TEX11: variants seen among roughly 807,000 people sequenced by gnomAD.
TEX11 encodes the protein testis-expressed protein 11.
A neutral mutation model predicts 84.4 loss-of-function variants in TEX11; 7 were observed. The ratio of observed to expected loss-of-function variants is 0.08; its 90% CI spans 0.05 to 0.16. The LOEUF (loss-of-function observed/expected upper bound fraction) is 0.16. TEX11 is among the 10% of genes least tolerant of loss of function. The probability of loss-of-function intolerance (pLI) is 1.00; values close to 1 mark genes in which losing one functional copy is unlikely to be tolerated. For missense variants in TEX11, 551 were observed against 660.5 expected, an observed-to-expected ratio of 0.83 and a Z score of 1.82; for synonymous variants, 264 against 222.8, an observed-to-expected ratio of 1.18 and a Z score of -1.64.
intron 8 of TEX11, among the ~76,000 whole-genome samples, chrX:70,809,972 C>T (rs1395517773): frequency 8.9e-6 from 1 of 111,822 alleles, no homozygotes; most frequent in Non-Finnish European, 1.9e-5. Flanking sequence ...AACAAGTAGG[C>T]ATTAAAAAGT....
At chrX:70,593,150 A>T (rs748034940) in intron 24 of TEX11, among the ~76,000 whole-genome samples, 1 of 110,225 alleles carries the variant, frequency 9.1e-6, no homozygotes, top group African/African-American at 3.3e-5. Context: ...TAACAGCTGG[A>T]TGTGCTACCA....
intron 9 of TEX11, among the ~76,000 whole-genome samples, chrX:70,785,012 T>A (rs749507195): frequency 3.6e-5 from 4 of 111,984 alleles, no homozygotes; most frequent in African/African-American, 1.3e-4. Flanking sequence ...AGAGCCCACA[T>A]TGCCAAGACA....
intron 14 of TEX11, among the ~76,000 whole-genome samples, chrX:70,679,895 C>G (rs1328426318): frequency 9.9e-6 from 1 of 101,329 alleles, no homozygotes; most frequent in Non-Finnish European, 2.1e-5. Flanking sequence ...TCTGCCCGGC[C>G]GCCCCTACTG....
intron 2 of TEX11, among the ~76,000 whole-genome samples, chrX:70,892,432 C>A (rs1379951526): frequency 9.0e-6 from 1 of 111,730 alleles, no homozygotes; most frequent in Non-Finnish European, 1.9e-5. Flanking sequence ...GGCTAAATGC[C>A]CCAATTAAAA....
intron 15 of TEX11, among the ~76,000 whole-genome samples, chrX:70,672,279 C>G (rs1313720880): frequency 9.0e-6 from 1 of 111,003 alleles, no homozygotes. Flanking sequence ...TTGGCTGTTT[C>G]CAGTTTTTAA....
chrX:70,595,702 G>A (rs1331458329), intron 24 of TEX11, among the ~76,000 whole-genome samples: 2 of 111,149 alleles, frequency 1.8e-5, no homozygotes, highest in African/African-American at 6.5e-5. Flanking sequence ...CAAAAGAAAA[G>A]AGTAAAGGAG....
intron 27 of TEX11, among the ~76,000 whole-genome samples, chrX:70,552,969 G>C (rs5980965): frequency 0.21 from 23,508 of 110,592 alleles, 1,953 homozygotes; most frequent in African/African-American, 0.24. Context: ...GTTGGTGTTT[G>C]TTATATTAAC....
At chrX:70,515,790 A>C in the TEX11 span, among the ~76,000 whole-genome samples, 12 of 112,037 alleles carry the variant, frequency 1.1e-4, no homozygotes, top group African/African-American at 2.9e-4. Flanking sequence ...CTGTTGTTTC[A>C]TTACTTTTTA....
chrX:70,621,510 A>G (rs1472569582), intron 20 of TEX11, among the ~76,000 whole-genome samples: 1 of 66,478 alleles, frequency 1.5e-5, no homozygotes. Context: ...GAAAGAGTGA[A>G]ACTCGGTCTC....
At chrX:70,785,789 G>A (rs947478375) in intron 9 of TEX11, among the ~76,000 whole-genome samples, 1 of 111,941 alleles carries the variant, frequency 8.9e-6, no homozygotes, top group African/African-American at 3.2e-5. Flanking sequence ...ACACCCGTTA[G>A]AATAGAGATC....
chrX:70,874,880 T>C (rs1005535287), intron 3 of TEX11, among the ~76,000 whole-genome samples: 5 of 110,737 alleles, frequency 4.5e-5, no homozygotes, highest in Admixed American at 9.6e-5. Context: ...TTTGGCAACA[T>C]ATAAAAATGT....
intron 24 of TEX11, among the ~76,000 whole-genome samples, chrX:70,594,062 T>C (rs1422322203): frequency 9.0e-6 from 1 of 110,581 alleles, no homozygotes; most frequent in Non-Finnish European, 1.9e-5. Context: ...CACAAAGATA[T>C]CCAACCAAGA....
intron 22 of TEX11, among the ~76,000 whole-genome samples, chrX:70,607,835 T>C (rs1442480096): frequency 8.9e-6 from 1 of 112,375 alleles, no homozygotes; most frequent in Non-Finnish European, 1.9e-5. Flanking sequence ...AAAACATTCC[T>C]TTTCAAACCT....
intron 17 of TEX11, among the ~76,000 whole-genome samples, chrX:70,635,078 C>A: frequency 8.9e-6 from 1 of 112,176 alleles, no homozygotes; most frequent in East Asian, 2.8e-4. Flanking sequence ...TCAATTTGAA[C>A]AACTATCCAC....
intron 7 of TEX11, among the ~76,000 whole-genome samples, chrX:70,849,220 A>C (rs1364712013): frequency 8.9e-6 from 1 of 112,116 alleles, no homozygotes; most frequent in Non-Finnish European, 1.9e-5. Context: ...CCAGTTTTAG[A>C]AAATGTATTC....
At chrX:70,705,625 C>A (rs2147690092) in intron 13 of TEX11, among the ~76,000 whole-genome samples, 1 of 111,587 alleles carries the variant, frequency 9.0e-6, no homozygotes, top group East Asian at 2.8e-4. Flanking sequence ...AAAAAACAAA[C>A]AACCCCATCA....
intron 17 of TEX11, among the ~76,000 whole-genome samples, chrX:70,641,821 G>T (rs1356169852): frequency 4.5e-5 from 5 of 110,785 alleles, no homozygotes; most frequent in African/African-American, 1.6e-4. Flanking sequence ...AAGCAGGAAA[G>T]ATCCAAAATT....
chrX:70,695,172 G>A (rs370901097), intron 13 of TEX11, among the ~76,000 whole-genome samples: 7 of 112,144 alleles, frequency 6.2e-5, no homozygotes, highest in South Asian at 3.7e-4. Context: ...AGAGACACAC[G>A]TGAATGCTCA....
At chrX:70,521,198 C>T in the TEX11 span, among the ~76,000 whole-genome samples, 1 of 111,221 alleles carries the variant, frequency 9.0e-6, no homozygotes, top group Non-Finnish European at 1.9e-5. Flanking sequence ...GTTGGAAATG[C>T]AGAAATCACC....
Sources: allele counts gnomAD v4.1 joint callset (sites outside exome capture counted in the v4.1 genomes callset), GRCh38; gene constraint gnomAD v4.1.1; transcripts MANE v1.5; gene names NCBI Gene and HGNC (gene_info 2026-07-23, HGNC 2026-07-21).